MAML3: variants seen among roughly 807,000 people sequenced by gnomAD.
MAML3 encodes the protein mastermind like transcriptional coactivator 3.
In MAML3, 27 loss-of-function variants were observed where a neutral mutation model predicts 101.9. That is an observed-to-expected ratio of 0.27 (90% CI 0.20 to 0.37). MAML3 has a LOEUF of 0.37. Among genes scored for constraint, MAML3 ranks in the 10% least tolerant of loss-of-function variants. The pLI is 1.00. For synonymous variants in MAML3, 501 were observed against 555.9 expected (o/e 0.90, Z 1.39); for missense variants, 1,316 against 1,444.9 (o/e 0.91, Z 1.45).
intron 1 of MAML3, among the ~76,000 whole-genome samples, chr4:140,064,259 T>A (rs1029139830): frequency 1.3e-5 from 2 of 152,158 alleles, no homozygotes; most frequent in Admixed American, 1.3e-4. Flanking sequence ...GGAAAAAAAA[T>A]GTATTCTATA....
chr4:140,152,866 C>T lies in MAML3; in HGVS notation c.462G>A (p.Leu154=). ...GCTGCCCGTGCGCCCTCACCATGATCAGCGTGTGGTTCCTCTGCTCCGCCG... is the reference window on the plus strand; with the variant it reads ...GCTGCCCGTGCGCCCTCACCATGATTAGCGTGTGGTTCCTCTGCTCCGCCG... ...AASAEQRNHT[L]IMLQETVKRK... is the part of the protein sequence containing the mutation. The change falls in exon 1 of 5, where the codon CTG becomes CTA. Residue 154 remains leucine (L), a synonymous_variant. Transcript: ENST00000509479. The T allele has an allele frequency of 6.2e-7, 1 of 1,610,282 alleles. No individual in the cohort carries two copies. The highest frequency in any genetic ancestry group is 1.1e-5 in the South Asian group (1 of 90,866).
chr4:139,908,046 C>T (rs115419998), intron 1 of MAML3, among the ~76,000 whole-genome samples: 274 of 152,256 alleles, frequency 1.8e-3, no homozygotes, highest in Non-Finnish European at 3.2e-3. Context: ...CCTAGAATCA[C>T]GTCTCTCATG....
At chr4:140,136,835 G>A (rs149377352) in intron 1 of MAML3, among the ~76,000 whole-genome samples, 64 of 152,304 alleles carry the variant, frequency 4.2e-4, no homozygotes, top group African/African-American at 1.4e-3. Context: ...GATAAACAAT[G>A]ATGCTAAGAA....
intron 1 of MAML3, among the ~76,000 whole-genome samples, chr4:140,092,104 G>GTATATATATACGTA (rs1491562295): frequency 1.3e-5 from 1 of 79,154 alleles, no homozygotes; most frequent in African/African-American, 4.2e-5. Flanking sequence ...ATATATATAC[G>GTATATATATACGTA]TATATATATA....
chr4:139,823,001 C>T (rs1452031403), intron 2 of MAML3, among the ~76,000 whole-genome samples: 1 of 152,120 alleles, frequency 6.6e-6, no homozygotes, highest in South Asian at 2.1e-4. Flanking sequence ...GAACACATGA[C>T]AGGAGGAAAA....
intron 1 of MAML3, among the ~76,000 whole-genome samples, chr4:139,992,950 C>CACAT (rs1734709234): frequency 6.6e-6 from 1 of 152,224 alleles, no homozygotes; most frequent in African/African-American, 2.4e-5. Flanking sequence ...TAATATTGAG[C>CACAT]ACATACTTCA....
chr4:139,780,743 G>A (rs911253651), intron 2 of MAML3, among the ~76,000 whole-genome samples: 4 of 150,368 alleles, frequency 2.7e-5, no homozygotes, highest in African/African-American at 9.8e-5. Flanking sequence ...TGATTATCAT[G>A]TCTCAGCCTC....
At chr4:139,792,136 T>C (rs1231114780) in intron 2 of MAML3, among the ~76,000 whole-genome samples, 1 of 152,192 alleles carries the variant, frequency 6.6e-6, no homozygotes, top group Non-Finnish European at 1.5e-5. Context: ...TCAGGCACTG[T>C]GTTGGATTCC....
Position 139,730,672 on chromosome 4 carries a change from G to A in MAML3, c.2080-5C>T, listed in dbSNP as rs561920679. ...AAGTCCAACTGGATGCTGCTCCTGG[G>A]AAGACAAGAGAGAGGGAGATGCAGG... On this transcript the variant is annotated splice_polypyrimidine_tract_variant and splice_region_variant and intron_variant, in intron 2 of 4. Transcript: ENST00000509479. 1.7e-5 allele frequency: 28 copies of A among 1,609,264 alleles called. No individual in the cohort carries two copies. Among genetic ancestry groups the A allele is most frequent in the African/African-American group, 2.7e-5 (2 of 74,882 alleles).
intron 2 of MAML3, among the ~76,000 whole-genome samples, chr4:139,879,380 G>T (rs1018240763): frequency 4.0e-5 from 6 of 151,760 alleles, no homozygotes; most frequent in African/African-American, 1.5e-4. Flanking sequence ...ACAAAAATTA[G>T]TGGGGCATCA....
chr4:140,151,247 T>G, intron 1 of MAML3, among the ~76,000 whole-genome samples: 1 of 148,214 alleles, frequency 6.7e-6, no homozygotes, highest in Admixed American at 6.6e-5. Context: ...GGAGGGAAGG[T>G]GCTGCCGGCG....
intron 1 of MAML3, among the ~76,000 whole-genome samples, chr4:140,002,712 CAG>C (rs1347495406): frequency 6.6e-6 from 1 of 152,118 alleles, no homozygotes; most frequent in African/African-American, 2.4e-5. Context: ...TGCCCTGGAG[CAG>C]AGTCACAATA....
In MAML3 at chr4:139,839,384, G is replaced by A. The variant is rs139873686; in HGVS notation, c.2079+49973C>T. ...GGGGGGCTAAGGATCAATTGCTTTTGCCATGTTACCCACACCTTCTCAAAT... is the reference window on the plus strand; with the variant it reads ...GGGGGGCTAAGGATCAATTGCTTTTACCATGTTACCCACACCTTCTCAAAT... On this transcript the variant is annotated intron_variant, in intron 2 of 4. Transcript: ENST00000509479. 2.5e-3 allele frequency among the ~76,000 whole-genome samples: 379 copies of A among 152,064 alleles called. 1 individual carries two copies. The highest frequency in any genetic ancestry group is 0.017 in the Middle Eastern group (5 of 292).
At chr4:139,992,495 A>G (rs1482356891) in intron 1 of MAML3, among the ~76,000 whole-genome samples, 1 of 152,042 alleles carries the variant, frequency 6.6e-6, no homozygotes, top group Non-Finnish European at 1.5e-5. Flanking sequence ...CAGATTCCAC[A>G]CTTTTACCAA....
chr4:139,889,714 G>T lies in MAML3; in HGVS notation c.1722C>A (p.His574Gln). ...TTGGCTGCTGATTGATCATATTCATGTGATTCTGAGGGAGGTAGTTATTCA... is the reference window on the plus strand; with the variant it reads ...TTGGCTGCTGATTGATCATATTCATTTGATTCTGAGGGAGGTAGTTATTCA... ...TTMNNYLPQN[H>Q]MNMINQQPNN... Residue 574 changes from histidine (H) to glutamine (Q), a missense_variant, in exon 2 of 5, where the codon CAC becomes CAA. Coordinates refer to ENST00000509479, the MANE Select transcript of MAML3 (RefSeq NM_018717.5). 3.1e-6 allele frequency: 5 copies of T among 1,614,024 alleles called. No homozygotes were observed. Among genetic ancestry groups the T allele is most frequent in the Non-Finnish European group, 4.2e-6 (5 of 1,179,890 alleles).
chr4:140,005,505 G>A (rs1726429102), intron 1 of MAML3, among the ~76,000 whole-genome samples: 1 of 152,344 alleles, frequency 6.6e-6, no homozygotes, highest in Admixed American at 6.5e-5. Context: ...AATGGATGAT[G>A]ACAGGAATAG....
At chr4:140,017,655 T>C (rs920592941) in intron 1 of MAML3, among the ~76,000 whole-genome samples, 1 of 151,726 alleles carries the variant, frequency 6.6e-6, no homozygotes, top group East Asian at 1.9e-4. Flanking sequence ...CAGAGAATCA[T>C]GCTGAGCAGG....
At chr4:139,753,918 A>G (rs1729587606) in intron 2 of MAML3, among the ~76,000 whole-genome samples, 1 of 152,208 alleles carries the variant, frequency 6.6e-6, no homozygotes, top group Non-Finnish European at 1.5e-5. Context: ...AAAGACAGAT[A>G]AGGGAATGAT....
At chr4:140,008,563 A>G (rs1726495530) in intron 1 of MAML3, among the ~76,000 whole-genome samples, 1 of 151,872 alleles carries the variant, frequency 6.6e-6, no homozygotes, top group Admixed American at 6.6e-5. Flanking sequence ...AGCTGGTAAG[A>G]GATGAAAAAG....
Sources: allele counts gnomAD v4.1 joint callset (sites outside exome capture counted in the v4.1 genomes callset), GRCh38; gene constraint gnomAD v4.1.1; transcripts MANE v1.5; gene names NCBI Gene and HGNC (gene_info 2026-07-23, HGNC 2026-07-21).